NCOA7: variants seen among roughly 807,000 people sequenced by gnomAD.
NCOA7 encodes the protein nuclear receptor coactivator 7.
In NCOA7, 45 loss-of-function variants were observed where a neutral mutation model predicts 104.3. That is an observed-to-expected ratio of 0.43 (90% CI 0.34 to 0.55). NCOA7 has a LOEUF of 0.55. Ranked by LOEUF, NCOA7 falls within the 20% of genes least tolerant of loss-of-function variation. NCOA7 has a pLI of 0.02. For synonymous variants in NCOA7, 398 were observed against 402.3 expected (o/e 0.99, Z 0.13); for missense variants, 1,041 against 1,119.7 (o/e 0.93, Z 1.00).
intron 2 of NCOA7, among the ~76,000 whole-genome samples, chr6:125,816,380 G>A (rs1204543186): frequency 6.6e-6 from 1 of 152,130 alleles, no homozygotes; most frequent in East Asian, 1.9e-4. Context: ...TTTTACCAGT[G>A]ATGCAACTAA....
rs57168444 is a variant in NCOA7, at chr6:125,840,868, G to GTTTTTTTTTTTTTTT, written c.51-14124_51-14110dup. Among the ~76,000 whole-genome samples the GTTTTTTTTTTTTTTT allele has an allele frequency of 4.2e-4, 17 of 40,372 alleles. 2 individuals carry two copies. The highest frequency in any genetic ancestry group is 6.4e-4 in the Non-Finnish European group (15 of 23,446). 26.5% of individuals were successfully genotyped at this position (40,372 alleles called of 152,430 possible). A position where few individuals can be genotyped will look rare whatever the true frequency, so the allele number is the denominator to read the frequency against. ...TTTTATGGTTTTTTTTGTTTGGTTG[G>GTTTTTTTTTTTTTTT]TTTTTTTTTTTTTTTTTTTTTTTTT... On this transcript the variant is annotated intron_variant, in intron 2 of 15. Transcript: ENST00000392477.
At chr6:125,789,121 T>C (rs1288214531), upstream of NCOA7, among the ~76,000 whole-genome samples, 1 of 152,234 alleles carries the variant, frequency 6.6e-6, no homozygotes, top group African/African-American at 2.4e-5. Flanking sequence ...GTGTTACTTA[T>C]ACATCAGATA....
chr6:125,874,765 T>C, intron 3 of NCOA7, 124 bp from the exon 4 acceptor site: 2 of 655,850 alleles, frequency 3.0e-6, no homozygotes, highest in Non-Finnish European at 5.4e-6. Flanking sequence ...GTGCCCTGAG[T>C]CCATTTTCCT....
At chr6:125,900,973 G>A (rs991654096) in intron 10 of NCOA7, among the ~76,000 whole-genome samples, 2 of 152,184 alleles carry the variant, frequency 1.3e-5, no homozygotes, top group African/African-American at 4.8e-5. Flanking sequence ...TCGTTTTCTA[G>A]CAGCAACCTC....
rs967258112 is a variant in NCOA7 at position 125,844,861 on chromosome 6, G to A, written c.51-10159G>A. Among the ~76,000 whole-genome samples the A allele has an allele frequency of 2.6e-5, 4 of 152,154 alleles. No individual in the cohort carries two copies. In the East Asian group the frequency reaches 7.7e-4, roughly 29 times the overall value. On this transcript the variant is annotated intron_variant, in intron 2 of 15. Transcript: ENST00000392477. ...AAATCCCCAAGTAAGAATAACAGCA[G>A]CAGCACAACAAATTAGTAACTTTTG...
chr6:125,874,206 T>G (rs1345841344), intron 3 of NCOA7, among the ~76,000 whole-genome samples: 1 of 152,106 alleles, frequency 6.6e-6, no homozygotes, highest in Non-Finnish European at 1.5e-5. Context: ...ACACCTGTAA[T>G]CCCAGCTACT....
At position 125,882,430 on chromosome 6, in the gene NCOA7, C is replaced by T. The variant is rs572921616; in HGVS notation, c.578C>T (p.Ala193Val). 1.9e-6 allele frequency: 3 copies of T among 1,612,246 alleles called. No individual in the cohort carries two copies. The highest frequency in any genetic ancestry group is 2.7e-5 in the African/African-American group (2 of 74,916). The change falls in exon 7 of 16, where the codon GCT becomes GTT. Residue 193 changes from alanine (A) to valine (V), a missense_variant. By Grantham distance (64) the Ala-to-Val change is moderately conservative. This residue lies in a region of NCOA7 where 914 missense variants were observed against 942.7 expected (regional missense o/e 0.97). Coordinates refer to ENST00000392477, the MANE Select transcript of NCOA7 (RefSeq NM_181782.5). The stretch of plus-strand genomic sequence containing the variant: ...GAAATTTTTTGCTTTCACAAGGATG[C>T]TGACTTAGCACGAAAGGCCTTGAAA... Reference protein sequence around the residue: ...SDAEYDKLPDADLARKALKPI... With the variant: ...SDAEYDKLPDVDLARKALKPI...
chr6:125,860,157 C>T (rs957410020), intron 3 of NCOA7, among the ~76,000 whole-genome samples: 8 of 152,024 alleles, frequency 5.3e-5, no homozygotes, highest in African/African-American at 1.9e-4. Flanking sequence ...ACTCCTTTTT[C>T]ATTTATTCTG....
chr6:125,862,148 C>T (rs1373521984), intron 3 of NCOA7, among the ~76,000 whole-genome samples: 2 of 132,508 alleles, frequency 1.5e-5, no homozygotes, highest in Non-Finnish European at 3.1e-5. Context: ...GATAGAACCA[C>T]GGGAGTAAAA....
chr6:125,888,076 A>C (rs1314046173), intron 8 of NCOA7, among the ~76,000 whole-genome samples: 1 of 152,096 alleles, frequency 6.6e-6, no homozygotes, highest in African/African-American at 2.4e-5. Flanking sequence ...GAACATGTTT[A>C]ATCAATATTT....
chr6:125,855,564 T>C (rs1278408713), intron 3 of NCOA7: 1 of 166,424 alleles, frequency 6.0e-6, no homozygotes, highest in African/African-American at 2.4e-5. Context: ...AATATGCTGA[T>C]AGAAATGCCT....
At position 125,889,209 on chromosome 6, in the gene NCOA7, C is replaced by T; in HGVS notation, c.1155C>T (p.Pro385=). The T allele has an allele frequency of 6.2e-7, 1 of 1,613,952 alleles. No homozygotes were observed. The highest frequency in any genetic ancestry group is 8.5e-7 in the Non-Finnish European group (1 of 1,179,984). The change falls in exon 9 of 16, where the codon CCC becomes CCT. Residue 385 remains proline, a synonymous_variant. Transcript: ENST00000392477. ...CTAGGGAGACATCCCATGGTTCTCCCACAGTGACTAAGCTCAGCAAGGAAC... is the reference window on the plus strand; with the variant it reads ...CTAGGGAGACATCCCATGGTTCTCCTACAGTGACTAAGCTCAGCAAGGAAC... ...DSSRETSHGS[P]TVTKLSKEPS...
chr6:125,822,637 T>G (rs145863695), intron 2 of NCOA7, among the ~76,000 whole-genome samples: 52 of 152,244 alleles, frequency 3.4e-4, no homozygotes, highest in Admixed American at 4.6e-4. Context: ...AAAGGGGGAT[T>G]AGAACATGTT....
At chr6:125,885,569 G>A (rs1315183669) in intron 8 of NCOA7, among the ~76,000 whole-genome samples, 1 of 152,174 alleles carries the variant, frequency 6.6e-6, no homozygotes, top group African/African-American at 2.4e-5. Flanking sequence ...CAAAGAAGCC[G>A]TCATGTAAAA....
intron 2 of NCOA7, among the ~76,000 whole-genome samples, chr6:125,854,572 G>T (rs1440694750): frequency 6.6e-6 from 1 of 152,184 alleles, no homozygotes; most frequent in Admixed American, 6.5e-5. Context: ...TACTCAGTAT[G>T]TGAGCCAATT....
intron 10 of NCOA7, 140 bp downstream of exon 10, chr6:125,890,950 ATTAT>A (rs1355806890): frequency 1.1e-6 from 1 of 898,758 alleles, no homozygotes; most frequent in Non-Finnish European, 1.5e-6. Context: ...CTAGAAGGAT[ATTAT>A]TTAAAGGGAC....
chr6:125,899,302 C>A (rs542396352), intron 10 of NCOA7, among the ~76,000 whole-genome samples: 25 of 152,148 alleles, frequency 1.6e-4, no homozygotes, highest in Non-Finnish European at 2.6e-4. Context: ...AAATCTTTAA[C>A]CATAGTTAAT....
intron 10 of NCOA7, among the ~76,000 whole-genome samples, chr6:125,914,003 T>C (rs930501443): frequency 6.6e-6 from 1 of 152,238 alleles, no homozygotes; most frequent in Non-Finnish European, 1.5e-5. Flanking sequence ...ACTGCAATGC[T>C]GACGTCACAG....
At chr6:125,897,015 G>A (rs1053494773) in intron 10 of NCOA7, among the ~76,000 whole-genome samples, 2 of 152,204 alleles carry the variant, frequency 1.3e-5, no homozygotes, top group African/African-American at 2.4e-5. Context: ...AGCATGATAA[G>A]TTATTACATA....
Sources: allele counts gnomAD v4.1 joint callset (sites outside exome capture counted in the v4.1 genomes callset), GRCh38; gene constraint gnomAD v4.1.1; regional missense constraint gnomAD v4.1.1; transcripts MANE v1.5; gene names NCBI Gene and HGNC (gene_info 2026-07-23, HGNC 2026-07-21).